Variants in BRF1 observed in about 807,000 individuals in gnomAD.
BRF1 encodes the protein transcription factor IIIB 90 kDa subunit.
In BRF1, 59 loss-of-function variants were observed where a neutral mutation model predicts 81.7. That is an observed-to-expected ratio of 0.72 (90% CI 0.59 to 0.90). BRF1 has a LOEUF of 0.90. Among genes scored for constraint, BRF1 ranks in the 40% least tolerant of loss-of-function variants. BRF1 has a pLI of 0.00. For synonymous variants in BRF1, 491 were observed against 395.6 expected (o/e 1.24, Z -2.86); for missense variants, 1,050 against 936.3 (o/e 1.12, Z -1.58).
upstream of BRF1, among the ~76,000 whole-genome samples, chr14:105,303,029 A>C (rs2058085464): frequency 6.7e-6 from 1 of 148,910 alleles, no homozygotes; most frequent in African/African-American, 2.5e-5. Flanking sequence ...CCCAGGTTCA[A>C]GTGATTCTGT....
intron 5 of BRF1, among the ~76,000 whole-genome samples, chr14:105,242,938 A>G (rs929411645): frequency 6.6e-6 from 1 of 150,744 alleles, no homozygotes; most frequent in Non-Finnish European, 1.5e-5. Context: ...CAACATGGTG[A>G]AACCCCGTCT....
At chr14:105,223,806 A>T (rs778256256) in intron 10 of BRF1, among the ~76,000 whole-genome samples, 1 of 152,206 alleles carries the variant, frequency 6.6e-6, no homozygotes, top group African/African-American at 2.4e-5. Context: ...TCACACCTCA[A>T]TAAGGCTGTT....
chr14:105,226,947 CAA>C (rs769464416), intron 7 of BRF1, 187 bp from the exon 8 acceptor site: 10,460 of 449,946 alleles, frequency 0.023, no homozygotes, highest in East Asian at 0.032. Flanking sequence ...TGTCTCTACC[CAA>C]AAAAAAAAAA....
At chr14:105,219,831 G>A (rs1053381813) in intron 12 of BRF1, 8 of 575,608 alleles carry the variant, frequency 1.4e-5, no homozygotes, top group East Asian at 2.9e-5. Flanking sequence ...GCCGAGGGCC[G>A]CAAGGACCAG....
intron 12 of BRF1, 53 bp from the exon 13 acceptor site, chr14:105,219,285 A>G: frequency 6.2e-7 from 1 of 1,600,164 alleles, no homozygotes; most frequent in Non-Finnish European, 8.5e-7. Context: ...ACACCGGGGC[A>G]TGCTAAGGTC....
rs1056527441 is a variant in BRF1, at chr14:105,300,965, G to C, written c.-336C>G. 20 of 154,338 alleles carry C rather than the reference G, an allele frequency of 1.3e-4. No individual in the cohort carries two copies. The highest frequency in any genetic ancestry group is 4.8e-4 in the African/African-American group (20 of 41,478). 9.6% of individuals were successfully genotyped at this position (154,338 alleles called of 1,614,324 possible). ...CGGGGGCTGGGCTTCGGCGGAACCC[G>C]AGCGGGGCCTACCGGTGAGCGCAGC... On this transcript the variant is annotated 5_prime_UTR_variant, in exon 1 of 18. Coordinates refer to ENST00000547530, the MANE Select transcript of BRF1 (RefSeq NM_001519.4).
intron 15 of BRF1, 95 bp from the exon 16 acceptor site, chr14:105,212,259 A>T: frequency 6.7e-7 from 1 of 1,484,616 alleles, no homozygotes; most frequent in Non-Finnish European, 9.1e-7. Context: ...CCCAGTGTTA[A>T]TTGACTGTTT....
chr14:105,215,876 G>C (rs7155574), intron 15 of BRF1, among the ~76,000 whole-genome samples: 1 of 111,828 alleles, frequency 8.9e-6, no homozygotes, highest in Non-Finnish European at 1.8e-5. Context: ...GCACACACAC[G>C]CTGCAGGCAT....
Position 105,269,697 on chromosome 14 carries a change from C to CAGGCAG in BRF1, c.439+3023_439+3024insCTGCCT, listed in dbSNP as rs2056578036. Among the ~76,000 whole-genome samples, 1 of 152,160 alleles carries CAGGCAG rather than the reference C, an allele frequency of 6.6e-6. No homozygotes were observed. Among genetic ancestry groups the CAGGCAG allele is most frequent in the Non-Finnish European group, 1.5e-5 (1 of 68,012 alleles). On this transcript the variant is annotated intron_variant, in intron 3 of 17. Coordinates refer to ENST00000547530, the MANE Select transcript of BRF1 (RefSeq NM_001519.4). This position sits in a 1 kb window ranked among gnomAD's most constrained non-coding sequence, Gnocchi z 5.0. ...AGGCAGCCCCGGCAGTGCCACAGGA[C>CAGGCAG]TGCTCTCCGTCCTGCCTGTCATCAC...
intron 15 of BRF1, among the ~76,000 whole-genome samples, chr14:105,215,503 G>A (rs115430197): frequency 0.013 from 1,974 of 150,314 alleles, 51 homozygotes; most frequent in African/African-American, 0.046. Flanking sequence ...GTGCACCAAC[G>A]CACACACGTA....
intron 1 of BRF1, among the ~76,000 whole-genome samples, chr14:105,313,030 C>T (rs757639909): frequency 2.6e-5 from 4 of 152,152 alleles, no homozygotes; most frequent in African/African-American, 4.8e-5. Context: ...GGGCTCACAA[C>T]GGTGCCTGGC....
intron 5 of BRF1, 113 bp from the exon 6 acceptor site, chr14:105,241,527 G>GC (rs889797111): frequency 5.8e-6 from 8 of 1,373,642 alleles, no homozygotes; most frequent in Non-Finnish European, 7.0e-6. Context: ...AGGCCCCCAG[G>GC]CCCCCCACCA....
At chr14:105,226,330 C>G (rs756542075) in intron 8 of BRF1, 40 bp from the exon 9 acceptor site, 2 of 1,613,586 alleles carry the variant, frequency 1.2e-6, no homozygotes, top group South Asian at 2.2e-5. Context: ...GAAGGGAGGC[C>G]CTGGTGCACA....
Position 105,228,763 on chromosome 14 carries a change from G to C in BRF1, c.788+57C>G, listed in dbSNP as rs377556518. 2.5e-4 allele frequency: 405 copies of C among 1,596,186 alleles called. 1 individual carries two copies. In the African/African-American group the frequency reaches 4.6e-3, roughly 18 times the overall value. ...GGCGCCTGCTCTGGCAAGCAGGCCT[G>C]AGCTGGACTGATGAAGCCTCTGTGT... On this transcript the variant is annotated intron_variant, in intron 7 of 17. Transcript: ENST00000547530.
chr14:105,229,604 G>T (rs113096936), intron 6 of BRF1, among the ~76,000 whole-genome samples: 5 of 152,236 alleles, frequency 3.3e-5, no homozygotes, highest in African/African-American at 2.4e-5. Flanking sequence ...GACCTGGGGG[G>T]TCACAGAGGT....
chr14:105,304,807 C>G (rs2058138007), upstream of BRF1, among the ~76,000 whole-genome samples: 1 of 152,262 alleles, frequency 6.6e-6, no homozygotes, highest in Admixed American at 6.5e-5. Flanking sequence ...GAGAGAGCTT[C>G]TGCAGGGAAA....
intron 3 of BRF1, among the ~76,000 whole-genome samples, chr14:105,268,063 G>A (rs1402401175): frequency 6.6e-6 from 1 of 152,240 alleles, no homozygotes; most frequent in East Asian, 1.9e-4. Flanking sequence ...CACAGTGCTG[G>A]CCCCAGGGCT....
At chr14:105,282,572 T>C (rs898578834) in intron 2 of BRF1, among the ~76,000 whole-genome samples, 1 of 152,102 alleles carries the variant, frequency 6.6e-6, no homozygotes, top group Admixed American at 6.5e-5. Context: ...CAAAGGAGAA[T>C]AAACAAAATT....
At chr14:105,229,737 G>A (rs2054438711) in intron 6 of BRF1, among the ~76,000 whole-genome samples, 1 of 26,784 alleles carries the variant, frequency 3.7e-5, no homozygotes, top group Non-Finnish European at 8.1e-5. Flanking sequence ...TAGTCGCCCA[G>A]CTGGGGGCGG....
Sources: gnomAD v4.1 joint callset for allele counts (sites outside exome capture counted in the v4.1 genomes callset) on GRCh38, gnomAD v4.1.1 for gene constraint, Gnocchi (gnomAD v3.1) non-coding constraint, MANE v1.5 for transcripts, NCBI Gene and HGNC (gene_info 2026-07-23, HGNC 2026-07-21) for gene names.